PILRA: variants seen among roughly 807,000 people sequenced by gnomAD.
The protein encoded by PILRA is paired immunoglobulin-like type 2 receptor alpha.
PILRA carries 37 observed loss-of-function variants against 33.1 expected under a neutral mutation model. That is an observed-to-expected ratio of 1.12 (90% CI 0.86 to 1.47). The LOEUF (loss-of-function observed/expected upper bound fraction) is 1.47, where lower values mean the gene tolerates loss of function less well. Ranked by LOEUF, PILRA falls within the 40% of genes most tolerant of loss-of-function variation. The pLI is 0.00. For synonymous variants in PILRA, 146 were observed against 149.9 expected (o/e 0.97, Z 0.19); for missense variants, 312 against 376.2 (o/e 0.83, Z 1.41).
At chr7:100,394,864 G>C (rs903508693) in intron 3 of PILRA, among the ~76,000 whole-genome samples, 1 of 152,028 alleles carries the variant, frequency 6.6e-6, no homozygotes, top group Non-Finnish European at 1.5e-5. Flanking sequence ...CTAAATGTAA[G>C]ACCCCAAACC....
intron 2 of PILRA, among the ~76,000 whole-genome samples, chr7:100,379,225 GA>G (rs1791025053): frequency 6.6e-6 from 1 of 151,868 alleles, no homozygotes; most frequent in Non-Finnish European, 1.5e-5. Context: ...CCAACATGGT[GA>G]AACCTTGTCT....
chr7:100,397,995 T>C, intron 4 of PILRA, 83 bp downstream of exon 4: 1 of 1,399,036 alleles, frequency 7.1e-7, no homozygotes, highest in South Asian at 1.2e-5. Flanking sequence ...AGTGTGCTGC[T>C]AAGAACCCCA....
chr7:100,398,557 G>A (rs1044169532), intron 4 of PILRA, among the ~76,000 whole-genome samples: 2 of 152,108 alleles, frequency 1.3e-5, no homozygotes, highest in African/African-American at 4.8e-5. Context: ...GCTTTTGCCA[G>A]CTGCCCTTCT....
At chr7:100,395,216 A>C (rs1791470799) in intron 3 of PILRA, among the ~76,000 whole-genome samples, 1 of 152,176 alleles carries the variant, frequency 6.6e-6, no homozygotes, top group Admixed American at 6.5e-5. Context: ...TCCTCAAATC[A>C]TGTATTGGAA....
chr7:100,372,156 G>A (rs1036150267), upstream of PILRA, among the ~76,000 whole-genome samples: 34 of 152,144 alleles, frequency 2.2e-4, no homozygotes, highest in African/African-American at 6.5e-4. Flanking sequence ...CAAAGCCCCC[G>A]TCCCTCAGTT....
intron 3 of PILRA, among the ~76,000 whole-genome samples, chr7:100,396,010 G>C (rs949078079): frequency 6.6e-6 from 1 of 152,110 alleles, no homozygotes; most frequent in Non-Finnish European, 1.5e-5. Context: ...TGTAATCCCA[G>C]CTACTCAGGA....
At chr7:100,379,310 G>A (rs576999894) in intron 2 of PILRA, among the ~76,000 whole-genome samples, 2 of 151,530 alleles carry the variant, frequency 1.3e-5, no homozygotes, top group East Asian at 3.9e-4. Context: ...AACCCAGGAG[G>A]TGGCAGTTGC....
intron 2 of PILRA, among the ~76,000 whole-genome samples, chr7:100,383,241 G>A (rs991368293): frequency 2.6e-5 from 4 of 152,074 alleles, no homozygotes; most frequent in Non-Finnish European, 5.9e-5. Context: ...AGCAAGAGAC[G>A]GGAGCCCAGA....
chr7:100,396,947 C>T (rs753470298), intron 3 of PILRA, among the ~76,000 whole-genome samples: 49 of 150,346 alleles, frequency 3.3e-4, no homozygotes, highest in Middle Eastern at 6.8e-3. Flanking sequence ...GAACTGTACA[C>T]GTGGTTAAAA....
chr7:100,388,356 G>A (rs1029408042), intron 2 of PILRA, among the ~76,000 whole-genome samples: 3 of 152,032 alleles, frequency 2.0e-5, no homozygotes, highest in Non-Finnish European at 4.4e-5. Flanking sequence ...TTTGTAGGAT[G>A]TGAAGGTCAA....
At chr7:100,397,943 G>C (rs769943362) in intron 4 of PILRA, 31 bp downstream of exon 4, 4 of 1,611,390 alleles carry the variant, frequency 2.5e-6, no homozygotes, top group Admixed American at 1.7e-5. Context: ...GGGTGGGTTG[G>C]GGGGTGCATG....
At chr7:100,376,009 T>C (rs1790939253) in intron 2 of PILRA, 1 of 152,246 alleles carries the variant, frequency 6.6e-6, no homozygotes, top group South Asian at 2.1e-4. Flanking sequence ...GGGTGCATTG[T>C]CTGTAGAAAA....
intron 4 of PILRA, 115 bp from the exon 5 acceptor site, chr7:100,399,176 C>A: frequency 1.5e-6 from 1 of 668,174 alleles, no homozygotes. Context: ...TGGGATCAAG[C>A]AATGGCCACC....
At chr7:100,397,235 G>A (rs1411723571) in intron 3 of PILRA, among the ~76,000 whole-genome samples, 1 of 151,910 alleles carries the variant, frequency 6.6e-6, no homozygotes, top group Admixed American at 6.6e-5. Context: ...GAGCCCTCCT[G>A]GGAGGAGGCT....
chr7:100,384,570 T>C (rs1791214297), intron 2 of PILRA, among the ~76,000 whole-genome samples: 1 of 151,868 alleles, frequency 6.6e-6, no homozygotes, highest in Non-Finnish European at 1.5e-5. Context: ...TAATTTTTTT[T>C]CATTTTTAGT....
Position 100,390,122 on chromosome 7 carries a change from C to A in PILRA, c.673+16C>A. On this transcript the variant is annotated intron_variant, in intron 3 of 6. Coordinates refer to ENST00000198536, the MANE Select transcript of PILRA (RefSeq NM_013439.3). ...AGAAGGAAAGGTAAGTGCCCAGGAC[C>A]CGCCCTCTCCCCAAGCCTCCCATCT... 1 of 1,605,682 alleles carries A rather than the reference C, an allele frequency of 6.2e-7. No homozygotes were observed. The highest frequency in any genetic ancestry group is 8.5e-7 in the Non-Finnish European group (1 of 1,172,784).
At chr7:100,374,569 C>T in intron 2 of PILRA, 136 bp downstream of exon 2, 1 of 981,372 alleles carries the variant, frequency 1.0e-6, no homozygotes, top group Non-Finnish European at 1.6e-6. Context: ...CCTAACACTT[C>T]CTCAGGCCTT....
chr7:100,397,852 CCT>C (rs1791531631), intron 3 of PILRA, 25 bp from the exon 4 acceptor site: 1 of 1,612,764 alleles, frequency 6.2e-7, no homozygotes, highest in African/African-American at 1.3e-5. Context: ...CGGATGCCAC[CCT>C]GACTCACTGT....
At chr7:100,393,470 A>G (rs911601469) in intron 3 of PILRA, among the ~76,000 whole-genome samples, 1 of 152,162 alleles carries the variant, frequency 6.6e-6, no homozygotes, top group African/African-American at 2.4e-5. Context: ...CTGTAAATCT[A>G]TGATAGCAGT....
Sources: allele counts gnomAD v4.1 joint callset (sites outside exome capture counted in the v4.1 genomes callset), GRCh38; gene constraint gnomAD v4.1.1; transcripts MANE v1.5; gene names NCBI Gene and HGNC (gene_info 2026-07-23, HGNC 2026-07-21).